The following ABI3BP variants were observed in gnomAD, a reference collection of about 807,000 sequenced individuals.
The protein encoded by ABI3BP is target of Nesh-SH3.
ABI3BP carries 216 observed loss-of-function variants against 268.6 expected under a neutral mutation model. That is an observed-to-expected ratio of 0.80 (90% CI 0.72 to 0.90). The LOEUF (loss-of-function observed/expected upper bound fraction) is 0.90, where lower values mean the gene tolerates loss of function less well. ABI3BP is among the 40% of genes least tolerant of loss of function. The pLI is 0.00. For missense variants in ABI3BP, 2,090 were observed against 2,182.4 expected, an observed-to-expected ratio of 0.96 and a Z score of 0.84; for synonymous variants, 730 against 730.0, an observed-to-expected ratio of 1.00 and a Z score of 0.00.
intron 2 of ABI3BP, among the ~76,000 whole-genome samples, chr3:100,915,201 A>G (rs1471857343): frequency 6.6e-6 from 1 of 152,148 alleles, no homozygotes; most frequent in Non-Finnish European, 1.5e-5. Context: ...TCAAGATCAA[A>G]GTGCTTTACT....
chr3:100,969,014 TAGA>T (rs1258932648), intron 1 of ABI3BP, among the ~76,000 whole-genome samples: 1 of 152,164 alleles, frequency 6.6e-6, no homozygotes, highest in Admixed American at 6.5e-5. Flanking sequence ...TTCAAACCTG[TAGA>T]AGGAGTAATC....
At chr3:100,910,497 T>C (rs1385563403) in intron 2 of ABI3BP, among the ~76,000 whole-genome samples, 1 of 152,124 alleles carries the variant, frequency 6.6e-6, no homozygotes, top group Non-Finnish European at 1.5e-5. Flanking sequence ...TCTTTCTACA[T>C]TGTGAAAATA....
chr3:100,875,611 G>A (rs542569796), intron 7 of ABI3BP, 32 bp from the exon 8 acceptor site: 2 of 1,502,808 alleles, frequency 1.3e-6, no homozygotes, highest in African/African-American at 2.8e-5. Context: ...GTGTGAGGGG[G>A]TGGGAAATAG....
chr3:100,864,774 G>T, intron 11 of ABI3BP, 59 bp downstream of exon 11: 3 of 1,305,560 alleles, frequency 2.3e-6, no homozygotes, highest in South Asian at 2.7e-5. Flanking sequence ...TGTGAGTCCT[G>T]GGAGTTATTT....
intron 9 of ABI3BP, among the ~76,000 whole-genome samples, chr3:100,874,439 T>C (rs938743195): frequency 6.6e-6 from 1 of 152,184 alleles, no homozygotes; most frequent in Non-Finnish European, 1.5e-5. Flanking sequence ...GTTCTAGAAA[T>C]AGGAAGCAAT....
intron 63 of ABI3BP, among the ~76,000 whole-genome samples, chr3:100,754,976 T>C (rs565380073): frequency 7.2e-5 from 11 of 152,312 alleles, no homozygotes; most frequent in African/African-American, 2.6e-4. Flanking sequence ...AATAAACATA[T>C]AAGAAAGTGG....
chr3:100,754,579 A>G (rs1487340564), intron 64 of ABI3BP, 33 bp downstream of exon 64: 2 of 1,547,604 alleles, frequency 1.3e-6, no homozygotes, highest in Admixed American at 1.9e-5. Flanking sequence ...GCCCTTTTAC[A>G]TCCTTTTTGG....
chr3:100,817,186 A>G (rs760187023), intron 42 of ABI3BP, among the ~76,000 whole-genome samples: 1 of 152,230 alleles, frequency 6.6e-6, no homozygotes. Context: ...ACAAAAGTAC[A>G]TGACACAAAT....
chr3:100,951,401 C>T (rs986289596), intron 1 of ABI3BP, among the ~76,000 whole-genome samples: 1 of 151,956 alleles, frequency 6.6e-6, no homozygotes, highest in African/African-American at 2.4e-5. Context: ...AAGTTTCTGT[C>T]TTTTGCTCCT....
At chr3:100,750,647 T>C (rs1213588796) in intron 67 of ABI3BP, 37 bp from the exon 68 acceptor site, 2 of 1,507,784 alleles carry the variant, frequency 1.3e-6, no homozygotes, top group Non-Finnish European at 1.8e-6. Flanking sequence ...ATAGCTGCTG[T>C]ATTATATTTT....
At chr3:100,895,802 G>A (rs1357730130) in intron 4 of ABI3BP, among the ~76,000 whole-genome samples, 2 of 152,122 alleles carry the variant, frequency 1.3e-5, no homozygotes, top group African/African-American at 2.4e-5. Flanking sequence ...ACATATGAGG[G>A]TAGATTTCTC....
At chr3:100,924,415 A>AT (rs573181103) in intron 2 of ABI3BP, among the ~76,000 whole-genome samples, 226 of 152,278 alleles carry the variant, frequency 1.5e-3, no homozygotes, top group Non-Finnish European at 2.2e-3. Flanking sequence ...TATTAAAAAT[A>AT]TTTTTTATCT....
At chr3:100,757,930 A>G (rs1224008611) in intron 63 of ABI3BP, among the ~76,000 whole-genome samples, 1 of 152,174 alleles carries the variant, frequency 6.6e-6, no homozygotes, top group African/African-American at 2.4e-5. Context: ...TCTGATGAAA[A>G]TTAAAGAACT....
chr3:100,795,846 G>A lies in ABI3BP; in HGVS notation c.3823C>T (p.Gln1275Ter), dbSNP rs1221100379. 7.8e-7 allele frequency: 1 copy of A among 1,286,504 alleles called. No homozygotes were observed. The highest frequency in any genetic ancestry group is 1.0e-6 in the Non-Finnish European group (1 of 987,866). 79.7% of individuals were successfully genotyped at this position (1,286,504 alleles called of 1,614,324 possible). The change falls in exon 53 of 68, where the codon CAG becomes TAG. Residue 1275 changes from glutamine to a stop codon, truncating the protein, a stop_gained. Coordinates refer to ENST00000471714, the MANE Select transcript of ABI3BP (RefSeq NM_001375547.2). LOFTEE classifies it high-confidence loss of function. Reference protein sequence around the residue: ...PEVSQSEPVLQPVTFRFEPPK... With the variant: ...PEVSQSEPVL ...GGCTCAAATCTAAAGGTAACAGGCT[G>A]CAGAACTATGCCAAAAGCAAGCCAA... is the stretch of plus-strand genomic sequence containing the variant.
chr3:100,846,397 G>C lies in ABI3BP; in HGVS notation c.1698C>G (p.Ser566Arg). 1 of 1,602,816 alleles carries C rather than the reference G, an allele frequency of 6.2e-7. No homozygotes were observed. The highest frequency in any genetic ancestry group is 1.3e-5 in the African/African-American group (1 of 74,870). ...CAGGTTTGGTGTGTGTCACTTCTGG[G>C]CTGAGAGGGATTTTAGGTTTCAGAG... Reference protein sequence around the residue: ...FISLKPKIPLSPEVTHTKPAP... With the variant: ...FISLKPKIPLRPEVTHTKPAP... Residue 566 changes from serine to arginine, a missense_variant, in exon 20 of 68, where the codon AGC (serine) becomes AGG (arginine). By Grantham distance (110) the Ser-to-Arg change is moderately radical (BLOSUM62 -1). Transcript: ENST00000471714.
At chr3:100,818,743 T>C (rs1440804936) in intron 40 of ABI3BP, among the ~76,000 whole-genome samples, 162 bp from the exon 41 acceptor site, 1 of 152,172 alleles carries the variant, frequency 6.6e-6, no homozygotes, top group Admixed American at 6.6e-5. Context: ...AACAATTTTT[T>C]TAAAAGGCAC....
chr3:100,825,829 A>G lies in ABI3BP; in HGVS notation c.2618T>C (p.Leu873Pro). 6.5e-7 allele frequency: 1 copy of G among 1,535,324 alleles called. No homozygotes were observed. ...PGTTFVPVTD[L>P]EPVTFRTEIP... ...CTCAGTTCTAAAAGTAACAGGCTCG[A>G]GGTCTGTAACAGGAACTGAAGTAAT... Residue 873 changes from leucine (L) to proline (P), a missense_variant, in exon 35 of 68, where the codon CTC (leucine) becomes CCC (proline). Transcript: ENST00000471714.
intron 45 of ABI3BP, among the ~76,000 whole-genome samples, chr3:100,813,324 C>T (rs1485537252): frequency 1.3e-5 from 2 of 151,982 alleles, no homozygotes; most frequent in Non-Finnish European, 2.9e-5. Flanking sequence ...ATTTAATTTA[C>T]TATTAAAGAG....
intron 38 of ABI3BP, 108 bp from the exon 39 acceptor site, chr3:100,821,221 T>C (rs1238573971): frequency 8.7e-6 from 8 of 921,258 alleles, no homozygotes; most frequent in African/African-American, 5.0e-5. Context: ...TATAGAATTA[T>C]ATAGCAACCT....
Sources: gnomAD v4.1 joint callset for allele counts (sites outside exome capture counted in the v4.1 genomes callset) on GRCh38, gnomAD v4.1.1 for gene constraint, MANE v1.5 for transcripts, NCBI Gene and HGNC (gene_info 2026-07-23, HGNC 2026-07-21) for gene names.